PRKDC: variants seen among roughly 807,000 people sequenced by gnomAD.
PRKDC encodes the protein DNA-dependent protein kinase catalytic subunit.
PRKDC carries 82 observed loss-of-function variants against 486.9 expected under a neutral mutation model. The ratio of observed to expected loss-of-function variants is 0.17; its 90% CI spans 0.14 to 0.20. The LOEUF is 0.20. Ranked by LOEUF, PRKDC falls within the 10% of genes least tolerant of loss-of-function variation. The pLI is 1.00. For missense variants in PRKDC, 4,504 were observed against 5,038.2 expected, an observed-to-expected ratio of 0.89 and a Z score of 3.21; for synonymous variants, 1,895 against 1,837.0, an observed-to-expected ratio of 1.03 and a Z score of -0.81.
rs2086555561 is a variant in PRKDC at position 47,773,496 on chromosome 8, T to C, written c.*677A>G. 4.5e-6 allele frequency: 1 copy of C among 220,050 alleles called. No individual in the cohort carries two copies. The highest frequency in any genetic ancestry group is 2.2e-5 in the African/African-American group (1 of 44,674). The allele number at this position is 220,050 out of a possible 1,614,324, so 13.6% of individuals were successfully genotyped here. A position where few individuals can be genotyped will look rare whatever the true frequency, so the allele number is the denominator to read the frequency against. ...TGTATCTTCCAGTTGTAGATTGGAA[T>C]AGCAAAAGTGAATGCTATGACCAAA... On this transcript the variant is annotated 3_prime_UTR_variant, in exon 86 of 86. Coordinates refer to ENST00000314191, the MANE Select transcript of PRKDC (RefSeq NM_006904.7).
intron 23 of PRKDC, 86 bp from the exon 24 acceptor site, chr8:47,914,150 G>A: frequency 8.4e-7 from 1 of 1,184,524 alleles, no homozygotes; most frequent in African/African-American, 1.6e-5. Flanking sequence ...CATTTCTAAT[G>A]CCAGCTGTTC....
chr8:47,889,028 T>G lies in PRKDC; in HGVS notation c.4266A>C (p.Lys1422Asn), dbSNP rs756017511. 6.2e-7 allele frequency: 1 copy of G among 1,613,770 alleles called. No individual in the cohort carries two copies. Among genetic ancestry groups the G allele is most frequent in the South Asian group, 1.1e-5 (1 of 91,064 alleles). ...KDILETHLRE[K>N]ITAQSIEELC... is the part of the protein sequence containing the mutation. ...CAAGTACCCACCTCTGTGCTGTTATTTTCTCTCTCAGATGGGTCTCTAGGA... is the reference window on the plus strand; with the variant it reads ...CAAGTACCCACCTCTGTGCTGTTATGTTCTCTCTCAGATGGGTCTCTAGGA... The change falls in exon 33 of 86, where the codon AAA (lysine) becomes AAC (asparagine). Residue 1422 changes from lysine to asparagine, a missense_variant. By Grantham distance (94) the Lys-to-Asn change is moderately conservative. Coordinates refer to ENST00000314191, the MANE Select transcript of PRKDC (RefSeq NM_006904.7).
chr8:47,925,080 G>A (rs1409948049), intron 21 of PRKDC, among the ~76,000 whole-genome samples: 1 of 152,188 alleles, frequency 6.6e-6, no homozygotes, highest in East Asian at 1.9e-4. Context: ...CATGGGGGAT[G>A]ACCTCCTCAC....
At chr8:47,913,159 G>GT (rs767785041) in intron 24 of PRKDC, among the ~76,000 whole-genome samples, 91 of 152,116 alleles carry the variant, frequency 6.0e-4, no homozygotes, top group Non-Finnish European at 4.3e-4. Context: ...TACATGTACT[G>GT]AAAAACCAAA....
Position 47,936,345 on chromosome 8 carries a change from T to A in PRKDC, c.1278+8A>T, listed in dbSNP as rs1329821739. 1 of 1,599,282 alleles carries A rather than the reference T, an allele frequency of 6.3e-7. No individual in the cohort carries two copies. Among genetic ancestry groups the A allele is most frequent in the Non-Finnish European group, 8.5e-7 (1 of 1,172,726 alleles). On this transcript the variant is annotated splice_region_variant and intron_variant, in intron 12 of 85. Transcript: ENST00000314191. ...TACTTAAAATTGTGCTCAGTTTAGT[T>A]CACTTACTGTGTCAAGGTACAGCAA...
chr8:47,946,768 T>C (rs2090538280), intron 7 of PRKDC, among the ~76,000 whole-genome samples: 1 of 152,150 alleles, frequency 6.6e-6, no homozygotes, highest in African/African-American at 2.4e-5. Context: ...CCTAAGTGTC[T>C]CTAGTTAAAT....
At position 47,820,714 on chromosome 8, in the gene PRKDC, A is replaced by G. The variant is rs955230553; in HGVS notation, c.9336+5T>C. The G allele has an allele frequency of 1.4e-6, 2 of 1,474,146 alleles. No homozygotes were observed. Among genetic ancestry groups the G allele is most frequent in the Admixed American group, 2.0e-5 (1 of 50,026 alleles). The allele number at this position is 1,474,146 out of a possible 1,614,324, so 91.3% of individuals were successfully genotyped here. A position where few individuals can be genotyped will look rare whatever the true frequency, so the allele number is the denominator to read the frequency against. ...CAAGCATATATATATAATATATAGT[A>G]TTACCTGCATAAAACTCTGAATGCC... is the stretch of plus-strand genomic sequence containing the variant. On this transcript the variant is annotated splice_donor_5th_base_variant and intron_variant, in intron 66 of 85. Transcript: ENST00000314191.
intron 40 of PRKDC, among the ~76,000 whole-genome samples, chr8:47,867,658 C>G (rs1467967286): frequency 6.6e-6 from 1 of 151,870 alleles, no homozygotes; most frequent in Non-Finnish European, 1.5e-5. Context: ...GAAAAGAGAA[C>G]AAGATGCACA....
chr8:47,880,355 G>A (rs1228191323), intron 38 of PRKDC, among the ~76,000 whole-genome samples: 1 of 152,174 alleles, frequency 6.6e-6, no homozygotes, highest in African/African-American at 2.4e-5. Flanking sequence ...CAGAACTACA[G>A]AAGAACTTCA....
rs1360160767 is a variant in PRKDC at position 47,773,564 on chromosome 8, A to G, written c.*609T>C. On this transcript the variant is annotated 3_prime_UTR_variant, in exon 86 of 86. Transcript: ENST00000314191. ...TAAAGACGTTTCCTTCTAGAGAGCAAATCTATCATAAAATGTCAAAACTAG... is the reference window on the plus strand; with the variant it reads ...TAAAGACGTTTCCTTCTAGAGAGCAGATCTATCATAAAATGTCAAAACTAG... 1.4e-5 allele frequency: 3 copies of G among 220,464 alleles called. No homozygotes were observed. Among genetic ancestry groups the G allele is most frequent in the African/African-American group, 6.7e-5 (3 of 44,706 alleles). 13.7% of individuals were successfully genotyped at this position (220,464 alleles called of 1,614,324 possible).
At chr8:47,910,658 T>A (rs2089883592) in intron 25 of PRKDC, among the ~76,000 whole-genome samples, 1 of 152,232 alleles carries the variant, frequency 6.6e-6, no homozygotes. Flanking sequence ...ATTATTCTTT[T>A]AAGTTCAAAA....
intron 85 of PRKDC, among the ~76,000 whole-genome samples, chr8:47,775,364 AT>A (rs761373021): frequency 0.017 from 1,514 of 87,568 alleles, 5 homozygotes; most frequent in African/African-American, 0.039. Flanking sequence ...TCTTTTGACC[AT>A]TTTTTTTTTT....
At chr8:47,948,896 T>C (rs2090581522) in intron 7 of PRKDC, among the ~76,000 whole-genome samples, 1 of 152,270 alleles carries the variant, frequency 6.6e-6, no homozygotes, top group Non-Finnish European at 1.5e-5. Context: ...TTGTTAGCTA[T>C]ATTAGTTTCC....
chr8:47,948,521 G>A (rs1424625404), intron 7 of PRKDC, among the ~76,000 whole-genome samples: 4 of 148,088 alleles, frequency 2.7e-5, no homozygotes, highest in East Asian at 2.0e-4. Context: ...GTGCAATGGC[G>A]CGATCTCAGC....
chr8:47,955,439 G>A (rs1237638391), intron 4 of PRKDC, among the ~76,000 whole-genome samples: 1 of 133,750 alleles, frequency 7.5e-6, no homozygotes, highest in Non-Finnish European at 1.6e-5. Context: ...TCCAGCCTGG[G>A]CGACAGAGCG....
At chr8:47,805,827 C>T (rs189076623) in intron 69 of PRKDC, among the ~76,000 whole-genome samples, 18 of 152,290 alleles carry the variant, frequency 1.2e-4, no homozygotes, top group African/African-American at 4.3e-4. Flanking sequence ...CCTGTCACCT[C>T]AGGTTCTCCT....
rs2086558989 is a variant in PRKDC, at chr8:47,773,729, T to C, written c.*444A>G. 2 of 230,550 alleles carry C rather than the reference T, an allele frequency of 8.7e-6. No individual in the cohort carries two copies. Among genetic ancestry groups the C allele is most frequent in the South Asian group, 1.8e-4 (1 of 5,596 alleles). 14.3% of individuals were successfully genotyped at this position (230,550 alleles called of 1,614,324 possible). On this transcript the variant is annotated 3_prime_UTR_variant, in exon 86 of 86. Coordinates refer to ENST00000314191, the MANE Select transcript of PRKDC (RefSeq NM_006904.7). ...GCTGCTTCTACAATGTTACATCAACTATACTTAGCTTTACTCTCCCAAAAT... is the reference window on the plus strand; with the variant it reads ...GCTGCTTCTACAATGTTACATCAACCATACTTAGCTTTACTCTCCCAAAAT...
rs371424093 is a variant in PRKDC at position 47,959,798 on chromosome 8, G to A, written c.154+175C>T. ...AATATCTTTCCTCTAATACTAGGGGGTAAAAAGCAGTATGACAAATCCCTT... is the reference window on the plus strand; with the variant it reads ...AATATCTTTCCTCTAATACTAGGGGATAAAAAGCAGTATGACAAATCCCTT... On this transcript the variant is annotated intron_variant, in intron 1 of 85. Coordinates refer to ENST00000314191, the MANE Select transcript of PRKDC (RefSeq NM_006904.7). Among the ~76,000 whole-genome samples, 606 of 152,260 alleles carry A rather than the reference G, an allele frequency of 4.0e-3. 4 individuals are homozygous for A. The highest frequency in any genetic ancestry group is 0.025 in the South Asian group (119 of 4,828).
intron 40 of PRKDC, among the ~76,000 whole-genome samples, chr8:47,866,468 C>A (rs569335584): frequency 3.0e-4 from 46 of 152,260 alleles, no homozygotes; most frequent in African/African-American, 1.1e-3. Context: ...GCACATAAAA[C>A]ATCTGACTCT....
Sources: allele counts gnomAD v4.1 joint callset (sites outside exome capture counted in the v4.1 genomes callset), GRCh38; gene constraint gnomAD v4.1.1; transcripts MANE v1.5; gene names NCBI Gene and HGNC (gene_info 2026-07-23, HGNC 2026-07-21).